Variants in LSAMP observed in about 807,000 individuals in gnomAD.
LSAMP encodes the protein limbic system-associated membrane protein.
In LSAMP, 7 loss-of-function variants were observed where a neutral mutation model predicts 38.6. That is an observed-to-expected ratio of 0.18 (90% CI 0.10 to 0.34). The LOEUF (loss-of-function observed/expected upper bound fraction) is 0.34. LSAMP is among the 10% of genes least tolerant of loss of function. The probability of loss-of-function intolerance (pLI) is 1.00; values close to 1 mark genes in which losing one functional copy is unlikely to be tolerated. For synonymous variants in LSAMP, 154 were observed against 166.8 expected (o/e 0.92, Z 0.59); for missense variants, 313 against 420.0 (o/e 0.75, Z 2.23).
chr3:116,112,642 C>T (rs903290653), intron 1 of LSAMP, among the ~76,000 whole-genome samples: 1 of 152,074 alleles, frequency 6.6e-6, no homozygotes, highest in South Asian at 2.1e-4. Flanking sequence ...AGGAAGTGTG[C>T]AATTGGAAAG....
rs1935005498 is a variant in LSAMP, at chr3:115,841,863, C to A, written c.901G>T (p.Ala301Ser). 1.2e-6 allele frequency: 2 copies of A among 1,612,894 alleles called. No homozygotes were observed. The highest frequency in any genetic ancestry group is 1.1e-5 in the South Asian group (1 of 90,762). The change falls in exon 6 of 7, where the codon GCC (alanine) becomes TCC (serine). Residue 301 changes from alanine to serine, a missense_variant. Transcript: ENST00000490035. ...TACTTACTGAAAAGGACTAGGCTGG[C>A]ATTGGTGACCCCCAGCTTGTTGGCA... ...VAANKLGVTN[A>S]SLVLFRPGSV... is the part of the protein sequence containing the mutation.
At chr3:116,080,623 T>A (rs1158779043) in intron 2 of LSAMP, among the ~76,000 whole-genome samples, 5 of 152,258 alleles carry the variant, frequency 3.3e-5, no homozygotes, top group Admixed American at 2.0e-4. Flanking sequence ...TTCTTCCCTT[T>A]CATTAGCTGT....
chr3:115,962,597 G>C (rs571981262), intron 3 of LSAMP, among the ~76,000 whole-genome samples: 6 of 152,266 alleles, frequency 3.9e-5, no homozygotes, highest in Non-Finnish European at 5.9e-5. Flanking sequence ...AGTTAAACAG[G>C]ATAATATATG....
intron 1 of LSAMP, among the ~76,000 whole-genome samples, chr3:116,253,592 C>T (rs778165012): frequency 3.3e-5 from 5 of 152,174 alleles, no homozygotes; most frequent in South Asian, 2.1e-4. Flanking sequence ...TTCTCTCACT[C>T]GTTCACGTAG....
At chr3:115,946,315 G>C (rs1000992706) in intron 3 of LSAMP, among the ~76,000 whole-genome samples, 1 of 152,164 alleles carries the variant, frequency 6.6e-6, no homozygotes, top group African/African-American at 2.4e-5. Flanking sequence ...AAAACTTTCT[G>C]TTGGCCGGAA....
At chr3:116,094,336 C>G (rs1010308894) in intron 1 of LSAMP, among the ~76,000 whole-genome samples, 3 of 152,144 alleles carry the variant, frequency 2.0e-5, no homozygotes, top group Non-Finnish European at 2.9e-5. Context: ...CACACCTGAC[C>G]TCTGGTTGGA....
Position 115,816,818 on chromosome 3 carries a change from A to G in LSAMP, c.920-6404T>C, listed in dbSNP as rs115667233. ...AGAGATGGAAAGAAAGGCAAATGGA[A>G]AGAGATTGTTTTGTTGGAACAAATG... is the stretch of plus-strand genomic sequence containing the variant. On this transcript the variant is annotated intron_variant, in intron 6 of 6. Coordinates refer to ENST00000490035, the MANE Select transcript of LSAMP (RefSeq NM_002338.5). 9.8e-3 allele frequency among the ~76,000 whole-genome samples: 1,494 copies of G among 152,284 alleles called. 24 individuals carry two copies. The highest frequency in any genetic ancestry group is 0.035 in the African/African-American group (1,443 of 41,552).
chr3:116,297,417 A>G (rs1000892453), intron 1 of LSAMP, among the ~76,000 whole-genome samples: 1 of 152,198 alleles, frequency 6.6e-6, no homozygotes, highest in Non-Finnish European at 1.5e-5. Context: ...TCTTCTAAAG[A>G]AAATACTGTA....
intron 1 of LSAMP, among the ~76,000 whole-genome samples, chr3:116,122,144 C>T (rs1022989402): frequency 6.6e-6 from 1 of 152,118 alleles, no homozygotes; most frequent in African/African-American, 2.4e-5. Context: ...AACAAAATAA[C>T]ATTATTTGCA....
intron 1 of LSAMP, among the ~76,000 whole-genome samples, chr3:116,372,286 T>G (rs1380755771): frequency 6.6e-6 from 1 of 152,042 alleles, no homozygotes; most frequent in Non-Finnish European, 1.5e-5. Context: ...TTAAATAATT[T>G]TCGACAAGGG....
intron 1 of LSAMP, among the ~76,000 whole-genome samples, chr3:116,147,289 A>C (rs1348440474): frequency 1.3e-5 from 2 of 151,880 alleles, no homozygotes; most frequent in African/African-American, 4.8e-5. Context: ...TAATATTCCC[A>C]TACAATCCAT....
In LSAMP at chr3:116,091,172, A is replaced by G. The variant is rs541309082; in HGVS notation, c.156-4616T>C. Among the ~76,000 whole-genome samples the G allele has an allele frequency of 3.3e-5, 5 of 152,348 alleles. No homozygotes were observed. The South Asian group carries it at 1.0e-3, about 32-fold the overall frequency. ...CGTTCCATGCTGAGAAAAAGAATTC[A>G]GTGATATTTCTCCCATTTGCTTTTG... On this transcript the variant is annotated intron_variant, in intron 1 of 6. Coordinates refer to ENST00000490035, the MANE Select transcript of LSAMP (RefSeq NM_002338.5).
At chr3:116,246,261 A>G (rs937230491) in intron 1 of LSAMP, among the ~76,000 whole-genome samples, 3 of 152,174 alleles carry the variant, frequency 2.0e-5, no homozygotes, top group Non-Finnish European at 2.9e-5. Context: ...GTTTTCAAAC[A>G]TTCTCTATAT....
At chr3:115,995,079 T>G (rs1196681598) in intron 3 of LSAMP, among the ~76,000 whole-genome samples, 1 of 152,142 alleles carries the variant, frequency 6.6e-6, no homozygotes, top group African/African-American at 2.4e-5. Flanking sequence ...CTTTAAATCT[T>G]GCTGGTCTAT....
At chr3:116,352,158 C>T (rs1218483935) in intron 1 of LSAMP, among the ~76,000 whole-genome samples, 1 of 152,036 alleles carries the variant, frequency 6.6e-6, no homozygotes, top group African/African-American at 2.4e-5. Context: ...TCCATGACTT[C>T]TCTGACGTTT....
intron 3 of LSAMP, among the ~76,000 whole-genome samples, chr3:115,994,583 G>A (rs962252171): frequency 1.3e-5 from 2 of 152,066 alleles, no homozygotes; most frequent in Non-Finnish European, 2.9e-5. Flanking sequence ...CTGCTGAAAG[G>A]TAGCCTCATT....
intron 2 of LSAMP, among the ~76,000 whole-genome samples, chr3:116,076,553 G>A (rs185834251): frequency 1.5e-4 from 23 of 152,076 alleles, no homozygotes; most frequent in African/African-American, 4.8e-4. Flanking sequence ...CACCACACCC[G>A]GCCAATAATT....
chr3:116,375,047 TCA>T (rs774973440), intron 1 of LSAMP, among the ~76,000 whole-genome samples: 2 of 151,994 alleles, frequency 1.3e-5, no homozygotes, highest in Admixed American at 6.6e-5. Context: ...GTCATCTACT[TCA>T]CAGAGTTCAT....
chr3:116,055,138 A>G (rs569808790), intron 2 of LSAMP, among the ~76,000 whole-genome samples: 2 of 152,294 alleles, frequency 1.3e-5, no homozygotes, highest in African/African-American at 4.8e-5. Context: ...TGTGTTACTC[A>G]GAGATTTAAA....
Sources: gnomAD v4.1 joint callset for allele counts (sites outside exome capture counted in the v4.1 genomes callset) on GRCh38, gnomAD v4.1.1 for gene constraint, MANE v1.5 for transcripts, NCBI Gene and HGNC (gene_info 2026-07-23, HGNC 2026-07-21) for gene names.